Variants in MMP16 observed in about 807,000 individuals in gnomAD.
The protein encoded by MMP16 is matrix metallopeptidase 16.
A neutral mutation model predicts 67.8 loss-of-function variants in MMP16; 12 were observed. That is an observed-to-expected ratio of 0.18 (90% CI 0.11 to 0.29). The LOEUF is 0.29. Ranked by LOEUF, MMP16 falls within the 10% of genes least tolerant of loss-of-function variation. The pLI is 1.00. For synonymous variants in MMP16, 249 were observed against 255.9 expected (o/e 0.97, Z 0.26); for missense variants, 475 against 765.7 (o/e 0.62, Z 4.48).
At chr8:88,252,198 T>A (rs1032502491) in intron 1 of MMP16, among the ~76,000 whole-genome samples, 3 of 151,322 alleles carry the variant, frequency 2.0e-5, no homozygotes, top group African/African-American at 7.3e-5. Flanking sequence ...TGCACACGTA[T>A]GTTTATTGCG....
chr8:88,074,825 A>C, intron 6 of MMP16, 82 bp from the exon 7 acceptor site: 1 of 1,482,444 alleles, frequency 6.7e-7, no homozygotes, highest in Non-Finnish European at 9.1e-7. Context: ...ACGCTTTTGA[A>C]ATCAAGCTGG....
chr8:88,072,378 T>C (rs974959020), intron 7 of MMP16, among the ~76,000 whole-genome samples: 2 of 151,998 alleles, frequency 1.3e-5, no homozygotes, highest in Non-Finnish European at 2.9e-5. Flanking sequence ...TCTGACTCTT[T>C]CTCCATAATC....
intron 4 of MMP16, among the ~76,000 whole-genome samples, chr8:88,127,173 G>C (rs1807948447): frequency 6.6e-6 from 1 of 151,864 alleles, no homozygotes; most frequent in Admixed American, 6.6e-5. Flanking sequence ...ACAGAGTTGA[G>C]AAATATACTG....
At chr8:88,138,798 A>G (rs1412816899) in intron 4 of MMP16, among the ~76,000 whole-genome samples, 2 of 152,020 alleles carry the variant, frequency 1.3e-5, no homozygotes, top group African/African-American at 2.4e-5. Context: ...GTTCTCTTAT[A>G]TCTCTGAATA....
At chr8:88,317,931 G>A (rs748237185) in intron 1 of MMP16, among the ~76,000 whole-genome samples, 23 of 152,108 alleles carry the variant, frequency 1.5e-4, no homozygotes, top group Non-Finnish European at 2.6e-4. Context: ...TCGCTGGACT[G>A]ATCTATCTCT....
rs1811036357 is a variant in MMP16, at chr8:88,297,841, T to C, written c.132+29234A>G. Among the ~76,000 whole-genome samples, 4 of 152,202 alleles carry C rather than the reference T, an allele frequency of 2.6e-5. No homozygotes were observed. In the South Asian group the frequency reaches 8.3e-4, roughly 31 times the overall value. Reference sequence around the variant, plus strand: ...TCAGAGAGTTAAAAATGGAACGAGGTAATATGTGTAACATTTAGCACAATG... The same window carrying C: ...TCAGAGAGTTAAAAATGGAACGAGGCAATATGTGTAACATTTAGCACAATG... On this transcript the variant is annotated intron_variant, in intron 1 of 9. Transcript: ENST00000286614.
intron 4 of MMP16, among the ~76,000 whole-genome samples, chr8:88,125,780 A>T (rs998255675): frequency 6.6e-6 from 1 of 151,894 alleles, no homozygotes; most frequent in Non-Finnish European, 1.5e-5. Flanking sequence ...AGATTCTAAG[A>T]ACATTCTCAG....
chr8:88,302,986 C>A (rs1811128255), intron 1 of MMP16, among the ~76,000 whole-genome samples: 1 of 152,222 alleles, frequency 6.6e-6, no homozygotes, highest in South Asian at 2.1e-4. Context: ...AACCACACTT[C>A]TCCCACAGAT....
At position 88,186,605 on chromosome 8, in the gene MMP16, A is replaced by C; in HGVS notation, c.282-7T>G. On this transcript the variant is annotated splice_region_variant and splice_polypyrimidine_tract_variant and intron_variant, in intron 2 of 9. Coordinates refer to ENST00000286614, the MANE Select transcript of MMP16 (RefSeq NM_005941.5). ...TCGGGGCTTCTTCATCCAGCTGCAAAAAAAAAAAAAAAAAAAAAAAAGCAG... is the reference window on the plus strand; with the variant it reads ...TCGGGGCTTCTTCATCCAGCTGCAACAAAAAAAAAAAAAAAAAAAAAGCAG... 3.5e-6 allele frequency: 1 copy of C among 289,644 alleles called. No homozygotes were observed. Among genetic ancestry groups the C allele is most frequent in the Non-Finnish European group, 6.3e-6 (1 of 158,336 alleles). 17.9% of individuals were successfully genotyped at this position (289,644 alleles called of 1,614,324 possible).
At chr8:88,233,084 G>A (rs1809887027) in intron 1 of MMP16, among the ~76,000 whole-genome samples, 1 of 152,074 alleles carries the variant, frequency 6.6e-6, no homozygotes, top group South Asian at 2.1e-4. Flanking sequence ...CTGTTACATA[G>A]GGATAATAAT....
At chr8:88,110,446 A>T (rs1178252112) in intron 6 of MMP16, among the ~76,000 whole-genome samples, 1 of 151,632 alleles carries the variant, frequency 6.6e-6, no homozygotes, top group East Asian at 1.9e-4. Flanking sequence ...TTTGTACTAC[A>T]GGAAAACTTT....
chr8:88,056,324 T>A, intron 7 of MMP16, 46 bp from the exon 8 acceptor site: 3 of 1,047,560 alleles, frequency 2.9e-6, no homozygotes, highest in Non-Finnish European at 3.9e-6. Context: ...TTTAATGTCA[T>A]AATTAGAATA....
chr8:88,156,967 C>T lies in MMP16; in HGVS notation c.709+10702G>A, dbSNP rs146165728. 8.0e-4 allele frequency among the ~76,000 whole-genome samples: 122 copies of T among 152,192 alleles called. 1 individual carries two copies. Among genetic ancestry groups the T allele is most frequent in the African/African-American group, 2.5e-3 (102 of 41,556 alleles). Reference sequence around the variant, plus strand: ...ATGTATATATAAAATCCAAGTAGTACTGATTTACTTCTCAACATATTGTTG... The same window carrying T: ...ATGTATATATAAAATCCAAGTAGTATTGATTTACTTCTCAACATATTGTTG... On this transcript the variant is annotated intron_variant, in intron 4 of 9. Transcript: ENST00000286614.
chr8:88,277,690 G>C (rs1009441600), intron 1 of MMP16, among the ~76,000 whole-genome samples: 2 of 152,144 alleles, frequency 1.3e-5, no homozygotes, highest in African/African-American at 4.8e-5. Context: ...TTACTTTTGG[G>C]ATGCTGTATT....
chr8:88,244,976 C>A (rs755993851), intron 1 of MMP16, among the ~76,000 whole-genome samples: 3 of 152,072 alleles, frequency 2.0e-5, no homozygotes, highest in African/African-American at 7.2e-5. Context: ...TCCTTCTGCA[C>A]CAATACATAG....
At position 88,301,346 on chromosome 8, in the gene MMP16, C is replaced by T. The variant is rs190322579; in HGVS notation, c.132+25729G>A. Among the ~76,000 whole-genome samples the T allele has an allele frequency of 3.4e-3, 517 of 152,250 alleles. 3 individuals carry two copies. The highest frequency in any genetic ancestry group is 6.0e-3 in the Non-Finnish European group (405 of 67,992). ...TAAATCTTACATACAGAACCTAAAA[C>T]AGAAGAACCCCTGAAGTTTAACTGT... On this transcript the variant is annotated intron_variant, in intron 1 of 9. Coordinates refer to ENST00000286614, the MANE Select transcript of MMP16 (RefSeq NM_005941.5).
At position 88,161,361 on chromosome 8, in the gene MMP16, G is replaced by T. The variant is rs189411680; in HGVS notation, c.709+6308C>A. Among the ~76,000 whole-genome samples, 567 of 152,208 alleles carry T rather than the reference G, an allele frequency of 3.7e-3. 4 individuals carry two copies. Among genetic ancestry groups the T allele is most frequent in the Middle Eastern group, 0.034 (10 of 294 alleles). ...GAGGTGTTTATAGTATTCTCTGATG[G>T]TAGTTTGTATTTCTGTGGGATCAGT... On this transcript the variant is annotated intron_variant, in intron 4 of 9. Coordinates refer to ENST00000286614, the MANE Select transcript of MMP16 (RefSeq NM_005941.5).
At chr8:88,205,510 C>A (rs10504848) in intron 1 of MMP16, among the ~76,000 whole-genome samples, 1 of 152,238 alleles carries the variant, frequency 6.6e-6, no homozygotes, top group East Asian at 1.9e-4. Context: ...CTTCTAAGAG[C>A]TTCTCTAATT....
intron 1 of MMP16, among the ~76,000 whole-genome samples, chr8:88,222,476 T>A (rs758103827): frequency 6.6e-6 from 1 of 152,168 alleles, no homozygotes; most frequent in Non-Finnish European, 1.5e-5. Context: ...CAAAGCAGCA[T>A]GGTACTGGTA....
Sources: allele counts gnomAD v4.1 joint callset (sites outside exome capture counted in the v4.1 genomes callset), GRCh38; gene constraint gnomAD v4.1.1; transcripts MANE v1.5; gene names NCBI Gene and HGNC (gene_info 2026-07-23, HGNC 2026-07-21).